LRRTM4: variants seen among roughly 807,000 people sequenced by gnomAD.
The protein encoded by LRRTM4 is leucine rich repeat transmembrane neuronal 4, also known as leucine-rich repeat transmembrane neuronal protein 4.
A neutral mutation model predicts 47.6 loss-of-function variants in LRRTM4; 25 were observed. That is an observed-to-expected ratio of 0.53 (90% CI 0.38 to 0.73). The LOEUF (loss-of-function observed/expected upper bound fraction) is 0.73. Among genes scored for constraint, LRRTM4 ranks in the 30% least tolerant of loss-of-function variants. The pLI is 0.00. For synonymous variants in LRRTM4, 311 were observed against 269.5 expected, an observed-to-expected ratio of 1.15 and a Z score of -1.51; for missense variants, 638 against 713.4, an observed-to-expected ratio of 0.89 and a Z score of 1.20.
At chr2:76,940,646 T>G (rs1675106326) in intron 3 of LRRTM4, among the ~76,000 whole-genome samples, 1 of 151,452 alleles carries the variant, frequency 6.6e-6, no homozygotes, top group Non-Finnish European at 1.5e-5. Flanking sequence ...AAATAAAACT[T>G]AAAAACAAAC....
At chr2:77,389,009 G>A (rs1160403314) in intron 3 of LRRTM4, among the ~76,000 whole-genome samples, 1 of 151,992 alleles carries the variant, frequency 6.6e-6, no homozygotes, top group African/African-American at 2.4e-5. Flanking sequence ...GATTCAGAAA[G>A]AGTTAGATGG....
intron 3 of LRRTM4, among the ~76,000 whole-genome samples, chr2:76,952,656 G>C (rs759462316): frequency 6.6e-6 from 1 of 151,952 alleles, no homozygotes; most frequent in Non-Finnish European, 1.5e-5. Context: ...TTAGGAAACA[G>C]AGCTACTGTT....
intron 3 of LRRTM4, among the ~76,000 whole-genome samples, chr2:77,378,193 C>G (rs1232401621): frequency 6.6e-6 from 1 of 151,512 alleles, no homozygotes; most frequent in Non-Finnish European, 1.5e-5. Flanking sequence ...ATATATTTAT[C>G]TGTTGTATTT....
intron 3 of LRRTM4, among the ~76,000 whole-genome samples, chr2:77,081,848 C>A (rs1680544900): frequency 1.3e-5 from 2 of 152,114 alleles, no homozygotes; most frequent in African/African-American, 4.8e-5. Context: ...TTCCTGGAAG[C>A]AATACTCCAG....
chr2:76,948,692 T>C (rs1019890320), intron 3 of LRRTM4, among the ~76,000 whole-genome samples: 14 of 151,856 alleles, frequency 9.2e-5, no homozygotes, highest in African/African-American at 3.4e-4. Context: ...GAATTCATTA[T>C]GATTAATAAT....
intron 3 of LRRTM4, among the ~76,000 whole-genome samples, chr2:77,219,986 C>T (rs191239859): frequency 2.6e-5 from 4 of 152,184 alleles, no homozygotes; most frequent in African/African-American, 7.2e-5. Context: ...TTCACACGGC[C>T]GGATACTCCT....
chr2:77,434,997 C>T (rs556330397), intron 3 of LRRTM4, among the ~76,000 whole-genome samples: 1 of 152,082 alleles, frequency 6.6e-6, no homozygotes, highest in East Asian at 1.9e-4. Flanking sequence ...CTATTGCTAT[C>T]TTGGGTCATA....
chr2:76,794,459 T>A (rs540952510), intron 3 of LRRTM4, among the ~76,000 whole-genome samples: 4 of 152,310 alleles, frequency 2.6e-5, no homozygotes, highest in East Asian at 1.9e-4. Context: ...TTGTGAACAA[T>A]AGTTTTTTCT....
At chr2:77,404,261 G>A (rs1452983046) in intron 3 of LRRTM4, among the ~76,000 whole-genome samples, 1 of 151,840 alleles carries the variant, frequency 6.6e-6, no homozygotes. Context: ...AAGAAAATTT[G>A]CAATTATTGT....
At chr2:77,450,306 CACAA>C (rs1478801266) in intron 3 of LRRTM4, among the ~76,000 whole-genome samples, 4 of 151,754 alleles carry the variant, frequency 2.6e-5, no homozygotes, top group African/African-American at 9.7e-5. Flanking sequence ...CACACACACA[CACAA>C]ACACAGACAC....
At chr2:77,332,098 C>A (rs1191959795) in intron 3 of LRRTM4, among the ~76,000 whole-genome samples, 1 of 151,998 alleles carries the variant, frequency 6.6e-6, no homozygotes, top group Non-Finnish European at 1.5e-5. Flanking sequence ...CTAGAAAAAT[C>A]CTTTTCATAT....
At chr2:77,156,750 C>G (rs1346057022) in intron 3 of LRRTM4, among the ~76,000 whole-genome samples, 1 of 151,074 alleles carries the variant, frequency 6.6e-6, no homozygotes, top group East Asian at 2.0e-4. Context: ...CCCTGTCACC[C>G]AGGCTAGAGT....
intron 3 of LRRTM4, among the ~76,000 whole-genome samples, chr2:77,194,401 T>C (rs1414873098): frequency 1.3e-5 from 2 of 152,148 alleles, no homozygotes; most frequent in Admixed American, 6.6e-5. Context: ...GCATTTAATA[T>C]GGGAATTATG....
chr2:77,364,946 AAAAC>A (rs201902461), intron 3 of LRRTM4, among the ~76,000 whole-genome samples: 1,586 of 152,146 alleles, frequency 0.01, 35 homozygotes, highest in African/African-American at 0.037. Flanking sequence ...TAAAACTTCC[AAAAC>A]AAACATTGAT....
chr2:76,848,130 G>A (rs886436089), intron 3 of LRRTM4, among the ~76,000 whole-genome samples: 7 of 151,980 alleles, frequency 4.6e-5, no homozygotes, highest in South Asian at 2.1e-4. Flanking sequence ...TTTGGGTTGC[G>A]GAGTGAAGGG....
chr2:77,250,902 G>C (rs372272656), intron 3 of LRRTM4, among the ~76,000 whole-genome samples: 1 of 152,018 alleles, frequency 6.6e-6, no homozygotes, highest in Non-Finnish European at 1.5e-5. Context: ...TGGGGAGTTC[G>C]AGACCAGTCT....
At chr2:77,367,226 G>T (rs545583517) in intron 3 of LRRTM4, among the ~76,000 whole-genome samples, 1 of 151,240 alleles carries the variant, frequency 6.6e-6, no homozygotes, top group South Asian at 2.1e-4. Context: ...CTCTGTGAAT[G>T]CCCCTCCTGC....
intron 3 of LRRTM4, among the ~76,000 whole-genome samples, chr2:77,008,074 T>A (rs62170867): frequency 6.6e-6 from 1 of 152,120 alleles, no homozygotes; most frequent in African/African-American, 2.4e-5. Flanking sequence ...AACTGTAGCA[T>A]CCTGTTGTTT....
At chr2:77,292,628 A>C (rs1005185977) in intron 3 of LRRTM4, among the ~76,000 whole-genome samples, 2 of 146,778 alleles carry the variant, frequency 1.4e-5, no homozygotes, top group African/African-American at 5.0e-5. Context: ...AGTCTCACTC[A>C]TAGGTGGGAA....
Sources: gnomAD v4.1 joint callset for allele counts (sites outside exome capture counted in the v4.1 genomes callset) on GRCh38, gnomAD v4.1.1 for gene constraint, MANE v1.5 for transcripts, NCBI Gene and HGNC (gene_info 2026-07-23, HGNC 2026-07-21) for gene names.